OPCML: variants seen among roughly 807,000 people sequenced by gnomAD.
OPCML encodes opioid binding protein/cell adhesion molecule like.
Under a neutral mutation model 37.8 loss-of-function variants are expected in OPCML, and 13 were observed. The ratio of observed to expected loss-of-function variants is 0.34; its 90% CI spans 0.22 to 0.55. OPCML has a LOEUF of 0.55. OPCML is among the 20% of genes least tolerant of loss of function. OPCML has a pLI of 0.91. For missense variants in OPCML, 341 were observed against 435.6 expected, an observed-to-expected ratio of 0.78 and a Z score of 1.93; for synonymous variants, 176 against 168.8, an observed-to-expected ratio of 1.04 and a Z score of -0.33.
Position 132,420,133 on chromosome 11 carries a change from G to T in OPCML, c.*60C>A. Reference sequence around the variant, plus strand: ...CCCAAGCTGGTTTGCTCTCCGCAGTGTAGATTAAAGTCTGTGATATGGAGA... The same window carrying T: ...CCCAAGCTGGTTTGCTCTCCGCAGTTTAGATTAAAGTCTGTGATATGGAGA... On this transcript the variant is annotated 3_prime_UTR_variant, in exon 8 of 8. Transcript: ENST00000524381. The T allele has an allele frequency of 6.9e-7, 1 of 1,447,744 alleles. No individual in the cohort carries two copies. The highest frequency in any genetic ancestry group is 9.7e-7 in the Non-Finnish European group (1 of 1,032,180). The allele number at this position is 1,447,744 out of a possible 1,614,324, so 89.7% of individuals were successfully genotyped here.
At chr11:133,106,029 T>C (rs1483235762) in intron 1 of OPCML, among the ~76,000 whole-genome samples, 5 of 151,950 alleles carry the variant, frequency 3.3e-5, no homozygotes, top group Admixed American at 6.6e-5. Context: ...AGAAAATCAG[T>C]ATGTTCAATG....
At chr11:132,484,684 A>G (rs1271289557) in intron 4 of OPCML, among the ~76,000 whole-genome samples, 1 of 152,146 alleles carries the variant, frequency 6.6e-6, no homozygotes. Flanking sequence ...TCCAACAACG[A>G]TAGACTGGAT....
In OPCML at chr11:132,662,914, C is replaced by T. The variant is rs75157294; in HGVS notation, c.147-5595G>A. On this transcript the variant is annotated intron_variant, in intron 2 of 7. Transcript: ENST00000524381. ...GTCCTCATATATTGAGGACTTTGTACGTGTTCAAAGAATTGATAATTGATA... is the reference window on the plus strand; with the variant it reads ...GTCCTCATATATTGAGGACTTTGTATGTGTTCAAAGAATTGATAATTGATA... 4.3e-4 allele frequency among the ~76,000 whole-genome samples: 65 copies of T among 152,258 alleles called. No homozygotes were observed. The East Asian group carries it at 0.012, about 27-fold the overall frequency.
intron 3 of OPCML, among the ~76,000 whole-genome samples, chr11:132,603,439 G>A (rs1285472625): frequency 2.6e-5 from 4 of 152,140 alleles, no homozygotes; most frequent in Non-Finnish European, 5.9e-5. Context: ...ATCTCCAAAA[G>A]AGTTCTTAAA....
intron 1 of OPCML, among the ~76,000 whole-genome samples, chr11:133,213,083 C>A (rs910147502): frequency 6.6e-6 from 1 of 152,206 alleles, no homozygotes; most frequent in Non-Finnish European, 1.5e-5. Flanking sequence ...TGTAGAGCAA[C>A]ACCATGGACT....
chr11:132,978,131 G>A (rs1946504639), intron 1 of OPCML, among the ~76,000 whole-genome samples: 1 of 152,176 alleles, frequency 6.6e-6, no homozygotes, highest in African/African-American at 2.4e-5. Flanking sequence ...GTCTGATAGT[G>A]GCAGACAGGG....
intron 1 of OPCML, among the ~76,000 whole-genome samples, chr11:133,135,944 GC>G (rs370582013): frequency 1.3e-5 from 2 of 152,316 alleles, no homozygotes; most frequent in African/African-American, 4.8e-5. Flanking sequence ...TGTAACAGCG[GC>G]AGAACTCCAC....
At chr11:133,100,976 G>C (rs1335264763) in intron 1 of OPCML, among the ~76,000 whole-genome samples, 3 of 152,158 alleles carry the variant, frequency 2.0e-5, no homozygotes, top group Non-Finnish European at 4.4e-5. Flanking sequence ...CCAGGCTGGA[G>C]TGCAGTGGCA....
chr11:133,002,504 T>A (rs1316189023), intron 1 of OPCML, among the ~76,000 whole-genome samples: 1 of 152,232 alleles, frequency 6.6e-6, no homozygotes, highest in Non-Finnish European at 1.5e-5. Flanking sequence ...AGGGGGTTCT[T>A]GCTTTCTTTA....
chr11:132,522,029 A>AT (rs1447498503), intron 4 of OPCML, among the ~76,000 whole-genome samples: 1 of 152,208 alleles, frequency 6.6e-6, no homozygotes, highest in Admixed American at 6.5e-5. Context: ...CCTGTTGTGC[A>AT]TATTTACAAT....
chr11:133,448,384 C>T (rs764990720), intron 1 of OPCML, among the ~76,000 whole-genome samples: 9 of 152,190 alleles, frequency 5.9e-5, no homozygotes, highest in Non-Finnish European at 1.0e-4. Context: ...ACATTCAATT[C>T]TATTCCATGA....
chr11:132,926,070 G>A (rs1944979269), intron 2 of OPCML, among the ~76,000 whole-genome samples: 2 of 152,170 alleles, frequency 1.3e-5, no homozygotes, highest in Admixed American at 1.3e-4. Flanking sequence ...CTGCTCAAAT[G>A]TCACCATCAT....
At chr11:132,506,452 T>C (rs2096256949) in intron 4 of OPCML, among the ~76,000 whole-genome samples, 1 of 152,180 alleles carries the variant, frequency 6.6e-6, no homozygotes, top group Admixed American at 6.5e-5. Context: ...GGAATCATAA[T>C]ACGAAAGAAT....
At chr11:132,848,289 T>C (rs1379784484) in intron 2 of OPCML, among the ~76,000 whole-genome samples, 1 of 152,210 alleles carries the variant, frequency 6.6e-6, no homozygotes, top group Non-Finnish European at 1.5e-5. Context: ...ATATGCTCCC[T>C]GCTGTGAACA....
At chr11:132,636,594 G>T (rs998405452) in intron 3 of OPCML, among the ~76,000 whole-genome samples, 2 of 152,212 alleles carry the variant, frequency 1.3e-5, no homozygotes, top group African/African-American at 4.8e-5. Context: ...TCTCGGAAAA[G>T]AAATAGCGAA....
rs185605800 is a variant in OPCML at position 132,993,614 on chromosome 11, A to C, written c.62-50604T>G. On this transcript the variant is annotated intron_variant, in intron 1 of 7. Coordinates refer to ENST00000524381, the MANE Select transcript of OPCML (RefSeq NM_001012393.5). ...CCCGCTCCCTACTTACAAAGGGCAG[A>C]ACACACTGCACACAGAGCCCCTGCC... Among the ~76,000 whole-genome samples, 121 of 152,286 alleles carry C rather than the reference A, an allele frequency of 7.9e-4. 2 individuals are homozygous for C. The highest frequency in any genetic ancestry group is 7.8e-3 in the Admixed American group (119 of 15,304).
At chr11:133,117,829 CAAT>C (rs1252695667) in intron 1 of OPCML, 2 of 983,434 alleles carry the variant, frequency 2.0e-6, no homozygotes, top group African/African-American at 3.5e-5. Context: ...GGAATAATTA[CAAT>C]AATACCAATA....
chr11:133,165,299 C>T (rs1950194894), intron 1 of OPCML, among the ~76,000 whole-genome samples: 1 of 152,138 alleles, frequency 6.6e-6, no homozygotes. Context: ...AGGCCTTCTG[C>T]AGGGTCACGC....
chr11:133,339,708 C>T (rs528790834), intron 1 of OPCML, among the ~76,000 whole-genome samples: 1 of 152,298 alleles, frequency 6.6e-6, no homozygotes, highest in East Asian at 1.9e-4. Flanking sequence ...GACCTCATGG[C>T]ACATAATCAC....
Sources: gnomAD v4.1 joint callset for allele counts (sites outside exome capture counted in the v4.1 genomes callset) on GRCh38, gnomAD v4.1.1 for gene constraint, MANE v1.5 for transcripts, NCBI Gene and HGNC (gene_info 2026-07-23, HGNC 2026-07-21) for gene names.